ULK4: variants seen among roughly 807,000 people sequenced by gnomAD.
The protein encoded by ULK4 is unc-51 like kinase 4, also known as inactive serine/threonine-protein kinase ULK4.
Under a neutral mutation model 160.6 loss-of-function variants are expected in ULK4, and 133 were observed. That is an observed-to-expected ratio of 0.83 (90% CI 0.72 to 0.96). The LOEUF is 0.96. Among genes scored for constraint, ULK4 ranks in the 40% least tolerant of loss-of-function variants. The pLI, the probability that ULK4 is intolerant of heterozygous loss-of-function variation, is 0.00. For synonymous variants in ULK4, 534 were observed against 539.8 expected (o/e 0.99, Z 0.15); for missense variants, 1,580 against 1,499.5 (o/e 1.05, Z -0.89).
At chr3:41,860,543 C>T (rs1346813327) in intron 17 of ULK4, among the ~76,000 whole-genome samples, 2 of 152,066 alleles carry the variant, frequency 1.3e-5, no homozygotes, top group African/African-American at 4.8e-5. Context: ...ATAACTACTC[C>T]CGCTCTTTTT....
intron 32 of ULK4, among the ~76,000 whole-genome samples, chr3:41,529,003 G>A (rs2086213761): frequency 6.6e-6 from 1 of 152,040 alleles, no homozygotes; most frequent in African/African-American, 2.4e-5. Flanking sequence ...AAGATTCCTT[G>A]TTGTTGCCAA....
At chr3:41,940,851 A>G (rs1289108956) in intron 2 of ULK4, among the ~76,000 whole-genome samples, 1 of 152,198 alleles carries the variant, frequency 6.6e-6, no homozygotes, top group Non-Finnish European at 1.5e-5. Flanking sequence ...CATAAAAAAC[A>G]AATGATAAAG....
chr3:41,737,957 G>A (rs912406337), intron 22 of ULK4, among the ~76,000 whole-genome samples: 1 of 151,944 alleles, frequency 6.6e-6, no homozygotes, highest in Non-Finnish European at 1.5e-5. Context: ...GATCTGTGGA[G>A]GTAGGCTAGT....
At chr3:41,536,274 T>A (rs73830221) in intron 32 of ULK4, among the ~76,000 whole-genome samples, 9,815 of 152,268 alleles carry the variant, frequency 0.064, 938 homozygotes, top group African/African-American at 0.21. Context: ...CTCAATGAGA[T>A]ATGATGAGTA....
At chr3:41,549,348 T>TTAA (rs1273617896) in intron 32 of ULK4, among the ~76,000 whole-genome samples, 3 of 152,074 alleles carry the variant, frequency 2.0e-5, no homozygotes, top group Non-Finnish European at 4.4e-5. Flanking sequence ...ACAGCTGTCA[T>TTAA]TAAGTAGGAC....
chr3:41,508,259 C>T (rs1271581), intron 32 of ULK4, among the ~76,000 whole-genome samples: 127,761 of 152,034 alleles, frequency 0.84, 54,981 homozygotes, highest in Non-Finnish European at 0.94. Flanking sequence ...CACACCCCCA[C>T]CCCTCACAGC....
chr3:41,878,987 T>C lies in ULK4; in HGVS notation c.1656+4887A>G, dbSNP rs144572565. ...AGGAAAGGCAGGTGATAAAGGACTA[T>C]ATTAAATAACACCAAAAGGGTGCAG... On this transcript the variant is annotated intron_variant, in intron 17 of 36. Transcript: ENST00000301831. Among the ~76,000 whole-genome samples, 4 of 152,270 alleles carry C rather than the reference T, an allele frequency of 2.6e-5. No homozygotes were observed. In the East Asian group the frequency reaches 7.7e-4, roughly 29 times the overall value.
intron 35 of ULK4, among the ~76,000 whole-genome samples, chr3:41,273,518 G>A (rs935416839): frequency 6.6e-6 from 1 of 152,152 alleles, no homozygotes; most frequent in Non-Finnish European, 1.5e-5. Flanking sequence ...TTCCGCTCCA[G>A]TACTGTGTAC....
intron 31 of ULK4, among the ~76,000 whole-genome samples, chr3:41,571,472 G>A (rs1401490735): frequency 6.6e-5 from 10 of 152,156 alleles, no homozygotes; most frequent in African/African-American, 2.4e-4. Context: ...AATCTTATTA[G>A]CTTACGGGGG....
rs184016530 is a variant in ULK4, at chr3:41,928,284, G to T, written c.541+3560C>A. On this transcript the variant is annotated intron_variant, in intron 5 of 36. Coordinates refer to ENST00000301831, the MANE Select transcript of ULK4 (RefSeq NM_017886.4). Reference sequence around the variant, plus strand: ...ATAATGAAATGAAGGCAGAAATAAAGAAGTTCTTTGAAACCAATGAGAACA... The same window carrying T: ...ATAATGAAATGAAGGCAGAAATAAATAAGTTCTTTGAAACCAATGAGAACA... Among the ~76,000 whole-genome samples, 11 of 152,200 alleles carry T rather than the reference G, an allele frequency of 7.2e-5. No individual in the cohort carries two copies. In the East Asian group the frequency reaches 1.9e-3, roughly 27 times the overall value.
At chr3:41,681,375 A>T in intron 29 of ULK4, 133 bp downstream of exon 29, 1 of 1,281,620 alleles carries the variant, frequency 7.8e-7, no homozygotes, top group Non-Finnish European at 1.1e-6. Flanking sequence ...AACTTTTTTT[A>T]TAATGAGTAC....
chr3:41,337,980 T>C (rs1410920604), intron 35 of ULK4, among the ~76,000 whole-genome samples: 3 of 152,224 alleles, frequency 2.0e-5, no homozygotes, highest in African/African-American at 7.2e-5. Context: ...CAAGTTCCCA[T>C]GGCCTCATAT....
chr3:41,627,395 T>C (rs1419336912), intron 30 of ULK4, among the ~76,000 whole-genome samples: 1 of 152,110 alleles, frequency 6.6e-6, no homozygotes, highest in East Asian at 1.9e-4. Context: ...AGTTTTTATC[T>C]ACTCATAAAA....
At chr3:41,477,373 AGTGCTT>A (rs2084174664) in intron 32 of ULK4, among the ~76,000 whole-genome samples, 1 of 152,220 alleles carries the variant, frequency 6.6e-6, no homozygotes, top group Non-Finnish European at 1.5e-5. Context: ...AGCTTTAGAA[AGTGCTT>A]TATATCTCAT....
chr3:41,468,121 T>C (rs1420399343), intron 32 of ULK4, among the ~76,000 whole-genome samples: 2 of 152,182 alleles, frequency 1.3e-5, no homozygotes, highest in Non-Finnish European at 2.9e-5. Context: ...TTCTAGGTAA[T>C]TTTAAGTTAA....
Position 41,766,393 on chromosome 3 carries a change from A to C in ULK4, c.2194-11905T>G, listed in dbSNP as rs187358431. 1.2e-3 allele frequency among the ~76,000 whole-genome samples: 182 copies of C among 152,378 alleles called. 1 individual carries two copies. In the Middle Eastern group the frequency reaches 0.014, roughly 11 times the overall value. On this transcript the variant is annotated intron_variant, in intron 21 of 36. Transcript: ENST00000301831. ...ATATATTATTTCAATTATTCCTTTA[A>C]GGAAGATATTATTGGATTTATTTTA...
Position 41,640,710 on chromosome 3 carries a change from G to C in ULK4, c.3071+22897C>G, listed in dbSNP as rs563671277. On this transcript the variant is annotated intron_variant, in intron 30 of 36. Transcript: ENST00000301831. ...TACCTGAGACTTAATCAATATTCTA[G>C]ATATATATGTAGCAAGGAACCTGGA... Among the ~76,000 whole-genome samples the C allele has an allele frequency of 1.5e-4, 23 of 152,252 alleles. No homozygotes were observed. The East Asian group carries it at 1.5e-3, about 10-fold the overall frequency.
At chr3:41,487,827 CAT>C (rs2084596684) in intron 32 of ULK4, among the ~76,000 whole-genome samples, 1 of 152,236 alleles carries the variant, frequency 6.6e-6, no homozygotes, top group South Asian at 2.1e-4. Context: ...ATAAAGTTAA[CAT>C]ATATTTTTAA....
intron 5 of ULK4, among the ~76,000 whole-genome samples, chr3:41,926,397 A>C (rs1430881140): frequency 6.6e-6 from 1 of 152,238 alleles, no homozygotes; most frequent in Non-Finnish European, 1.5e-5. Flanking sequence ...GAGAGAAACC[A>C]GCACAAAAAC....
Sources: gnomAD v4.1 joint callset for allele counts (sites outside exome capture counted in the v4.1 genomes callset) on GRCh38, gnomAD v4.1.1 for gene constraint, MANE v1.5 for transcripts, NCBI Gene and HGNC (gene_info 2026-07-23, HGNC 2026-07-21) for gene names.